Variants in ATP9B observed in about 807,000 individuals in gnomAD.
ATP9B encodes the protein probable phospholipid-transporting ATPase IIB.
A neutral mutation model predicts 146.1 loss-of-function variants in ATP9B; 110 were observed. That is an observed-to-expected ratio of 0.75 (90% CI 0.65 to 0.88). ATP9B has a LOEUF of 0.88. ATP9B is among the 40% of genes least tolerant of loss of function. The pLI, the probability that ATP9B is intolerant of heterozygous loss-of-function variation, is 0.00. For missense variants in ATP9B, 1,499 were observed against 1,496.4 expected (o/e 1.00, Z -0.03); for synonymous variants, 604 against 569.7 (o/e 1.06, Z -0.86).
intron 12 of ATP9B, among the ~76,000 whole-genome samples, chr18:79,273,962 C>G (rs2096281222): frequency 1.3e-5 from 2 of 152,300 alleles, no homozygotes; most frequent in Admixed American, 1.3e-4. Flanking sequence ...TTTCATTTTT[C>G]ATATTGCATA....
At chr18:79,130,175 C>T (rs968440130) in intron 5 of ATP9B, among the ~76,000 whole-genome samples, 4 of 152,334 alleles carry the variant, frequency 2.6e-5, no homozygotes, top group African/African-American at 9.6e-5. Context: ...AAGTTTAAAT[C>T]AGCTGTCTTA....
rs11444921 is a variant in ATP9B, at chr18:79,215,147, C to CAAAAAA, written c.1107+1122_1107+1127dup. On this transcript the variant is annotated intron_variant, in intron 11 of 29. Coordinates refer to ENST00000426216, the MANE Select transcript of ATP9B (RefSeq NM_198531.5). ...TGGGCAACAGGGTGAGATTCTGTCT[C>CAAAAAA]AAAAAAAAAAAAAAAAAAGATATAT... Among the ~76,000 whole-genome samples, 32 of 115,758 alleles carry CAAAAAA rather than the reference C, an allele frequency of 2.8e-4. 1 individual carries two copies. Among genetic ancestry groups the CAAAAAA allele is most frequent in the African/African-American group, 8.9e-4 (28 of 31,360 alleles). 75.9% of individuals were successfully genotyped at this position (115,758 alleles called of 152,430 possible). A position where few individuals can be genotyped will look rare whatever the true frequency, so the allele number is the denominator to read the frequency against.
chr18:79,092,269 C>T (rs1199398957), intron 1 of ATP9B, among the ~76,000 whole-genome samples: 3 of 152,158 alleles, frequency 2.0e-5, no homozygotes, highest in Non-Finnish European at 4.4e-5. Flanking sequence ...GTGACTACTG[C>T]ACATCTAGCC....
intron 28 of ATP9B, among the ~76,000 whole-genome samples, chr18:79,375,028 G>T (rs140552772): frequency 1.3e-5 from 2 of 152,190 alleles, no homozygotes; most frequent in Non-Finnish European, 2.9e-5. Context: ...GTAGTAACAC[G>T]CTTACATACA....
chr18:79,364,519 A>T (rs2097014892), intron 26 of ATP9B, among the ~76,000 whole-genome samples: 1 of 152,186 alleles, frequency 6.6e-6, no homozygotes. Context: ...TTCGCCGCCC[A>T]TGAGCAACAG....
chr18:79,072,539 A>G (rs576948062), intron 1 of ATP9B, among the ~76,000 whole-genome samples: 62 of 152,006 alleles, frequency 4.1e-4, no homozygotes, highest in African/African-American at 1.4e-3. Flanking sequence ...GGAGTCTCCT[A>G]TGTCTACTTC....
chr18:79,372,571 G>A (rs760477323), intron 26 of ATP9B: 14 of 625,188 alleles, frequency 2.2e-5, no homozygotes, highest in African/African-American at 3.6e-5. Flanking sequence ...CCAACAAGAC[G>A]GCAGGTCAAA....
At chr18:79,193,992 G>A (rs2095394439) in intron 9 of ATP9B, among the ~76,000 whole-genome samples, 1 of 152,154 alleles carries the variant, frequency 6.6e-6, no homozygotes, top group Admixed American at 6.5e-5. Flanking sequence ...TGCAGACTAT[G>A]GGAATGTGAA....
chr18:79,292,542 A>G (rs1046572155), intron 13 of ATP9B, among the ~76,000 whole-genome samples: 1 of 152,152 alleles, frequency 6.6e-6, no homozygotes, highest in African/African-American at 2.4e-5. Context: ...CTAAAATCCC[A>G]GCTACCTTTG....
At chr18:79,253,179 A>G (rs1255232492) in intron 11 of ATP9B, among the ~76,000 whole-genome samples, 2 of 152,228 alleles carry the variant, frequency 1.3e-5, no homozygotes, top group Non-Finnish European at 1.5e-5. Context: ...GTGTTTTGTC[A>G]GTAGACCCTT....
At chr18:79,336,900 G>A (rs1403709129) in intron 18 of ATP9B, among the ~76,000 whole-genome samples, 189 bp downstream of exon 18, 1 of 152,232 alleles carries the variant, frequency 6.6e-6, no homozygotes, top group Non-Finnish European at 1.5e-5. Flanking sequence ...CCAGCTTGCT[G>A]GGGAAGGAGG....
intron 6 of ATP9B, among the ~76,000 whole-genome samples, chr18:79,147,725 G>A (rs2094614447): frequency 6.6e-6 from 1 of 151,960 alleles, no homozygotes; most frequent in African/African-American, 2.4e-5. Context: ...AACAAGCAGA[G>A]GTCTTGGGTC....
chr18:79,081,562 G>C (rs2073264272), intron 1 of ATP9B, among the ~76,000 whole-genome samples: 1 of 150,692 alleles, frequency 6.6e-6, no homozygotes, highest in Non-Finnish European at 1.5e-5. Flanking sequence ...CAAAAAACCA[G>C]CTCCTGGGTA....
At position 79,069,578 on chromosome 18, in the gene ATP9B, C is replaced by A. The variant is rs764349203; in HGVS notation, c.119+49C>A. 5.9e-6 allele frequency: 7 copies of A among 1,184,108 alleles called. No homozygotes were observed. The East Asian group carries it at 2.2e-4, about 38-fold the overall frequency. The allele number at this position is 1,184,108 out of a possible 1,614,324, so 73.4% of individuals were successfully genotyped here. A position where few individuals can be genotyped will look rare whatever the true frequency, so the allele number is the denominator to read the frequency against. Reference sequence around the variant, plus strand: ...GTTCCCCGCCGACGCTCCCCGGGGCCCCCAGCCCACCGCAGGAACCCGGAG... The same window carrying A: ...GTTCCCCGCCGACGCTCCCCGGGGCACCCAGCCCACCGCAGGAACCCGGAG... On this transcript the variant is annotated intron_variant, in intron 1 of 29. Coordinates refer to ENST00000426216, the MANE Select transcript of ATP9B (RefSeq NM_198531.5).
chr18:79,129,526 C>G (rs1485075016), intron 5 of ATP9B, among the ~76,000 whole-genome samples: 2 of 152,098 alleles, frequency 1.3e-5, no homozygotes, highest in Non-Finnish European at 2.9e-5. Context: ...TTTCTCTCTT[C>G]ATTTTGAAGG....
intron 11 of ATP9B, among the ~76,000 whole-genome samples, chr18:79,251,217 C>T (rs962858061): frequency 1.3e-5 from 2 of 152,208 alleles, no homozygotes; most frequent in African/African-American, 2.4e-5. Context: ...CAGGAGGGGC[C>T]GCCCCACCCC....
chr18:79,250,744 G>A (rs916023115), intron 11 of ATP9B, among the ~76,000 whole-genome samples: 4 of 152,252 alleles, frequency 2.6e-5, no homozygotes, highest in African/African-American at 7.2e-5. Context: ...GGAAGGCACA[G>A]CCCATACCCG....
chr18:79,336,751 T>A, intron 18 of ATP9B, 40 bp downstream of exon 18: 1 of 1,589,838 alleles, frequency 6.3e-7, no homozygotes, highest in Non-Finnish European at 8.6e-7. Flanking sequence ...CTACGACGTT[T>A]CCTTCCTTAC....
intron 8 of ATP9B, among the ~76,000 whole-genome samples, chr18:79,192,724 C>G (rs2095379853): frequency 6.6e-6 from 1 of 152,172 alleles, no homozygotes; most frequent in African/African-American, 2.4e-5. Context: ...GTAAGGAAGG[C>G]CACCCTTAGC....
Sources: allele counts gnomAD v4.1 joint callset (sites outside exome capture counted in the v4.1 genomes callset), GRCh38; gene constraint gnomAD v4.1.1; transcripts MANE v1.5; gene names NCBI Gene and HGNC (gene_info 2026-07-23, HGNC 2026-07-21).